GSTO2: variants seen among roughly 807,000 people sequenced by gnomAD.
GSTO2 encodes the protein glutathione S-transferase omega-2.
GSTO2 carries 23 observed loss-of-function variants against 28.4 expected under a neutral mutation model. That is an observed-to-expected ratio of 0.81 (90% CI 0.58 to 1.15). The LOEUF (loss-of-function observed/expected upper bound fraction) is 1.15. GSTO2 is among the 50% of genes most tolerant of loss of function. The pLI, the probability that GSTO2 is intolerant of heterozygous loss-of-function variation, is 0.00. For synonymous variants in GSTO2, 109 were observed against 111.0 expected, an observed-to-expected ratio of 0.98 and a Z score of 0.11; for missense variants, 298 against 297.8, an observed-to-expected ratio of 1.00 and a Z score of 0.00.
intron 5 of GSTO2, chr10:104,296,416 A>T (rs2013025289): frequency 6.6e-6 from 1 of 151,978 alleles, no homozygotes; most frequent in African/African-American, 2.4e-5. Context: ...TGAGCTCAGG[A>T]GTTTGAGACC....
chr10:104,272,893 T>C (rs1416672240), intron 1 of GSTO2, among the ~76,000 whole-genome samples: 1 of 152,044 alleles, frequency 6.6e-6, no homozygotes, highest in Non-Finnish European at 1.5e-5. Context: ...ATTACAGGCA[T>C]GAGCCACCGC....
In GSTO2 at chr10:104,300,657, CA is replaced by C. The variant is rs2135156095; in HGVS notation, c.*1375del. The C allele has an allele frequency of 6.6e-6, 1 of 152,394 alleles. No homozygotes were observed. The highest frequency in any genetic ancestry group is 6.5e-5 in the Admixed American group (1 of 15,306). The allele number at this position is 152,394 out of a possible 1,614,324, so 9.4% of individuals were successfully genotyped here. A position where few individuals can be genotyped will look rare whatever the true frequency, so the allele number is the denominator to read the frequency against. On this transcript the variant is annotated 3_prime_UTR_variant, in exon 7 of 7. Coordinates refer to ENST00000338595, the MANE Select transcript of GSTO2 (RefSeq NM_183239.2). The stretch of plus-strand genomic sequence containing the variant: ...CTATGGGAGGGGGACCAAGTTTGTC[CA>C]ATGCTGTTTCATCTCAGTGTCTGAG...
chr10:104,292,972 A>G (rs574123182), intron 5 of GSTO2, among the ~76,000 whole-genome samples: 1 of 152,328 alleles, frequency 6.6e-6, no homozygotes, highest in Admixed American at 6.5e-5. Flanking sequence ...AAATTTTTTC[A>G]GAGGGGTAAA....
chr10:104,301,687 ATTATC>A lies in GSTO2; in HGVS notation c.*2406_*2410del, dbSNP rs1341416931. 2.0e-5 allele frequency: 3 copies of A among 152,220 alleles called. No homozygotes were observed. Among genetic ancestry groups the A allele is most frequent in the Non-Finnish European group, 4.4e-5 (3 of 68,032 alleles). The allele number at this position is 152,220 out of a possible 1,614,324, so 9.4% of individuals were successfully genotyped here. ...AATGTAAAAGAATAGAAAATCTTCC[ATTATC>A]TTGTGTCCTAGAGATAACCACTTTT... On this transcript the variant is annotated 3_prime_UTR_variant, in exon 7 of 7. Coordinates refer to ENST00000338595, the MANE Select transcript of GSTO2 (RefSeq NM_183239.2).
intron 3 of GSTO2, among the ~76,000 whole-genome samples, chr10:104,276,850 C>T (rs780245305): frequency 2.6e-5 from 4 of 152,138 alleles, no homozygotes; most frequent in East Asian, 1.9e-4. Flanking sequence ...TTTAAACATA[C>T]GTTCATGCTT....
intron 5 of GSTO2, among the ~76,000 whole-genome samples, chr10:104,280,398 C>T (rs2011964421): frequency 6.6e-6 from 1 of 152,114 alleles, no homozygotes; most frequent in South Asian, 2.1e-4. Flanking sequence ...AAAAAAATGG[C>T]AAATGGTCAT....
chr10:104,288,995 T>G (rs182089194), intron 5 of GSTO2, among the ~76,000 whole-genome samples: 49 of 152,326 alleles, frequency 3.2e-4, no homozygotes, highest in African/African-American at 1.2e-3. Context: ...TCATTTATAT[T>G]TTCATCTACC....
At chr10:104,279,816 A>G (rs1346949284) in intron 5 of GSTO2, among the ~76,000 whole-genome samples, 1 of 152,072 alleles carries the variant, frequency 6.6e-6, no homozygotes, top group African/African-American at 2.4e-5. Context: ...ACTACTGTAA[A>G]TTCATGTTGT....
At position 104,269,264 on chromosome 10, in the gene GSTO2, C is replaced by T. The variant is rs1223734931; in HGVS notation, c.-237C>T. The T allele has an allele frequency of 6.6e-6, 1 of 152,310 alleles. No homozygotes were observed. The highest frequency in any genetic ancestry group is 1.5e-5 in the Non-Finnish European group (1 of 68,126). The allele number at this position is 152,310 out of a possible 1,614,324, so 9.4% of individuals were successfully genotyped here. A position where few individuals can be genotyped will look rare whatever the true frequency, so the allele number is the denominator to read the frequency against. On this transcript the variant is annotated 5_prime_UTR_variant, in exon 1 of 7. Coordinates refer to ENST00000338595, the MANE Select transcript of GSTO2 (RefSeq NM_183239.2). ...GTCTCTCGCGGGACCTCTCTCACCGCCACCGGTGGGTCCGTTCGGCCTGCG... is the reference window on the plus strand; with the variant it reads ...GTCTCTCGCGGGACCTCTCTCACCGTCACCGGTGGGTCCGTTCGGCCTGCG...
At chr10:104,276,771 C>T (rs987059131) in intron 3 of GSTO2, among the ~76,000 whole-genome samples, 1 of 152,184 alleles carries the variant, frequency 6.6e-6, no homozygotes, top group Non-Finnish European at 1.5e-5. Context: ...CTCATCCAGC[C>T]TCTGCTGTAG....
intron 5 of GSTO2, among the ~76,000 whole-genome samples, chr10:104,282,239 A>AAAAAG (rs993067557): frequency 1.5e-4 from 22 of 148,168 alleles, no homozygotes; most frequent in African/African-American, 5.2e-4. Context: ...AAAAAAAAAA[A>AAAAAG]AAAAGAAAAG....
chr10:104,269,386 G>C (rs1039924870), intron 1 of GSTO2, 117 bp downstream of exon 1: 5 of 152,262 alleles, frequency 3.3e-5, no homozygotes, highest in African/African-American at 1.2e-4. Flanking sequence ...TTTAACTTTT[G>C]CCTAACACTT....
rs922735767 is a variant in GSTO2 at position 104,300,008 on chromosome 10, A to G, written c.*724A>G. On this transcript the variant is annotated 3_prime_UTR_variant, in exon 7 of 7. Coordinates refer to ENST00000338595, the MANE Select transcript of GSTO2 (RefSeq NM_183239.2). Reference sequence around the variant, plus strand: ...GAAAGCTTAAGAAGAGGGAGAAGGAAGAAGAAAACACTCCAAACCTAAATA... The same window carrying G: ...GAAAGCTTAAGAAGAGGGAGAAGGAGGAAGAAAACACTCCAAACCTAAATA... 6.6e-6 allele frequency: 1 copy of G among 152,430 alleles called. No individual in the cohort carries two copies. Among genetic ancestry groups the G allele is most frequent in the African/African-American group, 2.4e-5 (1 of 41,464 alleles). 9.4% of individuals were successfully genotyped at this position (152,430 alleles called of 1,614,324 possible).
rs369073126 is a variant in GSTO2, at chr10:104,278,759, A to G, written c.367-611A>G. On this transcript the variant is annotated intron_variant, in intron 4 of 6. Transcript: ENST00000338595. ...GCCTCCCAAAGTGCTAGGATTACAG[A>G]CGTGAGCCACTGTGCCTGGCCAGTG... Among the ~76,000 whole-genome samples the G allele has an allele frequency of 7.9e-5, 12 of 152,162 alleles. No homozygotes were observed. In the East Asian group the frequency reaches 1.2e-3, roughly 15 times the overall value.
intron 1 of GSTO2, among the ~76,000 whole-genome samples, chr10:104,272,640 G>T (rs2011471843): frequency 2.1e-5 from 2 of 94,046 alleles, no homozygotes; most frequent in Admixed American, 1.6e-4. Flanking sequence ...TTGAGACGGA[G>T]TCTCGCTCTG....
chr10:104,298,854 CA>C (rs928642196), intron 6 of GSTO2, among the ~76,000 whole-genome samples: 1 of 151,480 alleles, frequency 6.6e-6, no homozygotes, highest in East Asian at 1.9e-4. Flanking sequence ...AAAAACAAAA[CA>C]AAAAAAATGA....
rs1031480294 is a variant in GSTO2, at chr10:104,300,337, A to G, written c.*1053A>G. ...TGGATTTGCGTCACACTCTCTTCCAATTCATCTCAACAAATGCCTCTGGTT... is the reference window on the plus strand; with the variant it reads ...TGGATTTGCGTCACACTCTCTTCCAGTTCATCTCAACAAATGCCTCTGGTT... On this transcript the variant is annotated 3_prime_UTR_variant, in exon 7 of 7. Coordinates refer to ENST00000338595, the MANE Select transcript of GSTO2 (RefSeq NM_183239.2). The G allele has an allele frequency of 6.6e-6, 1 of 152,216 alleles. No individual in the cohort carries two copies. The highest frequency in any genetic ancestry group is 2.4e-5 in the African/African-American group (1 of 41,446). The allele number at this position is 152,216 out of a possible 1,614,324, so 9.4% of individuals were successfully genotyped here.
At chr10:104,295,595 C>G (rs553011694) in intron 5 of GSTO2, 1 of 152,332 alleles carries the variant, frequency 6.6e-6, no homozygotes, top group Non-Finnish European at 1.5e-5. Flanking sequence ...CTCCGTGGTG[C>G]GTGCTAACAT....
At chr10:104,280,839 A>G (rs2011995308) in intron 5 of GSTO2, among the ~76,000 whole-genome samples, 1 of 152,206 alleles carries the variant, frequency 6.6e-6, no homozygotes, top group African/African-American at 2.4e-5. Flanking sequence ...TCAAGTGGAA[A>G]CAGATTAAAT....
Sources: gnomAD v4.1 joint callset for allele counts (sites outside exome capture counted in the v4.1 genomes callset) on GRCh38, gnomAD v4.1.1 for gene constraint, MANE v1.5 for transcripts, NCBI Gene and HGNC (gene_info 2026-07-23, HGNC 2026-07-21) for gene names.